The following CFAP20DC variants were observed in gnomAD, a reference collection of about 807,000 sequenced individuals.
The protein encoded by CFAP20DC is CFAP20 domain containing.
In CFAP20DC, 84 loss-of-function variants were observed where a neutral mutation model predicts 101.7. That is an observed-to-expected ratio of 0.83 (90% CI 0.69 to 0.99). The LOEUF (loss-of-function observed/expected upper bound fraction) is 0.99. Ranked by LOEUF, CFAP20DC falls within the 50% of genes least tolerant of loss-of-function variation. The pLI, the probability that CFAP20DC is intolerant of heterozygous loss-of-function variation, is 0.00. For missense variants in CFAP20DC, 1,007 were observed against 970.3 expected (o/e 1.04, Z -0.50); for synonymous variants, 359 against 351.2 (o/e 1.02, Z -0.25).
rs950319992 is a variant in CFAP20DC at position 58,952,927 on chromosome 3, TG to T, written c.279-15166del. ...TGCTCTCAAGTCTGGACGTAGATACTGGGGATTTCACAGTGAAAAAAACAAG... is the reference window on the plus strand; with the variant it reads ...TGCTCTCAAGTCTGGACGTAGATACTGGGATTTCACAGTGAAAAAAACAAG... On this transcript the variant is annotated intron_variant, in intron 4 of 16. Transcript: ENST00000482387. Among the ~76,000 whole-genome samples the T allele has an allele frequency of 1.7e-4, 26 of 152,256 alleles. 1 individual carries two copies. The highest frequency in any genetic ancestry group is 5.5e-4 in the African/African-American group (23 of 41,562).
At chr3:58,851,028 A>G (rs917222407) in intron 12 of CFAP20DC, among the ~76,000 whole-genome samples, 5 of 152,154 alleles carry the variant, frequency 3.3e-5, no homozygotes, top group African/African-American at 1.2e-4. Context: ...AAAGCTTTTA[A>G]TTAGAGGGGA....
At chr3:58,911,292 G>T (rs1421004633) in intron 6 of CFAP20DC, among the ~76,000 whole-genome samples, 4 of 152,136 alleles carry the variant, frequency 2.6e-5, no homozygotes, top group African/African-American at 9.7e-5. Context: ...GAAAATTACT[G>T]TTATGTGCCA....
In CFAP20DC at chr3:58,971,154, TG is replaced by T. The variant is rs1166791986; in HGVS notation, c.279-33393del. On this transcript the variant is annotated intron_variant, in intron 4 of 16. Transcript: ENST00000482387. This position sits in a 1 kb window ranked among gnomAD's most constrained non-coding sequence, Gnocchi z 4.1. ...GCTTGTTCCAGCTAATTGACTATTC[TG>T]TTGAGCCTAACAGTACCATCACAAA... Among the ~76,000 whole-genome samples the T allele has an allele frequency of 3.3e-5, 5 of 152,198 alleles. No individual in the cohort carries two copies. The highest frequency in any genetic ancestry group is 1.2e-4 in the African/African-American group (5 of 41,454).
rs370117691 is a variant in CFAP20DC, at chr3:59,005,597, T to C, written c.278+33960A>G. Among the ~76,000 whole-genome samples, 8 of 152,334 alleles carry C rather than the reference T, an allele frequency of 5.3e-5. No homozygotes were observed. The East Asian group carries it at 1.3e-3, about 26-fold the overall frequency. ...CGCTTATATTCATTTTATATCACTT[T>C]AGATAAACTAAAATGATGTGAATAC... On this transcript the variant is annotated intron_variant, in intron 4 of 16. Transcript: ENST00000482387.
chr3:59,048,403 T>C (rs1204394206), intron 1 of CFAP20DC, among the ~76,000 whole-genome samples: 6 of 152,196 alleles, frequency 3.9e-5, no homozygotes, highest in South Asian at 4.1e-4. Flanking sequence ...AGAATTACTA[T>C]AGCTTGTGAG....
chr3:58,984,988 C>T (rs368462439), intron 4 of CFAP20DC, among the ~76,000 whole-genome samples: 11 of 152,164 alleles, frequency 7.2e-5, no homozygotes, highest in South Asian at 2.1e-4. Flanking sequence ...GCAGCCTTGA[C>T]GTCCTGGGCT....
At chr3:58,890,960 G>C (rs2082180708) in intron 6 of CFAP20DC, among the ~76,000 whole-genome samples, 1 of 145,794 alleles carries the variant, frequency 6.9e-6, no homozygotes, top group African/African-American at 2.6e-5. Context: ...CAGGCAGAGG[G>C]GCTCCTCACA....
At chr3:58,945,458 T>TA (rs151190813) in intron 4 of CFAP20DC, among the ~76,000 whole-genome samples, 1,588 of 152,032 alleles carry the variant, frequency 0.01, 29 homozygotes, top group African/African-American at 0.034. Flanking sequence ...TTTTGATAGG[T>TA]AAAAAAAAGC....
chr3:58,736,686 C>T (rs1011563991), intron 3 of CFAP20DC, among the ~76,000 whole-genome samples: 2 of 152,142 alleles, frequency 1.3e-5, no homozygotes, highest in Non-Finnish European at 2.9e-5. Context: ...ATTGACCGTA[C>T]TTATTACCAT....
chr3:58,926,621 T>A (rs115429684), intron 5 of CFAP20DC, among the ~76,000 whole-genome samples: 6,183 of 152,238 alleles, frequency 0.041, 197 homozygotes, highest in Non-Finnish European at 0.066. Flanking sequence ...ATTAAAAACC[T>A]CAAACTTCTA....
At chr3:58,993,061 G>A (rs1245051352) in intron 4 of CFAP20DC, among the ~76,000 whole-genome samples, 1 of 152,140 alleles carries the variant, frequency 6.6e-6, no homozygotes, top group Admixed American at 6.6e-5. Context: ...AACGTGGGGA[G>A]TACTTTTCCA....
chr3:58,845,274 A>G (rs1292661273), intron 13 of CFAP20DC, among the ~76,000 whole-genome samples: 3 of 151,588 alleles, frequency 2.0e-5, no homozygotes, highest in Non-Finnish European at 3.0e-5. Flanking sequence ...AGCAAGACTA[A>G]TAAAGAAAAA....
intron 4 of CFAP20DC, among the ~76,000 whole-genome samples, chr3:58,962,373 A>G (rs2091214190): frequency 6.6e-6 from 1 of 152,218 alleles, no homozygotes; most frequent in Non-Finnish European, 1.5e-5. Flanking sequence ...TTATGGTCAG[A>G]TAACATACTT....
rs959404815 is a variant in CFAP20DC at position 58,946,394 on chromosome 3, G to A, written c.279-8632C>T. On this transcript the variant is annotated intron_variant, in intron 4 of 16. Coordinates refer to ENST00000482387, the MANE Select transcript of CFAP20DC (RefSeq NM_001394063.1). ...GGCCTCCCAAAGTGCTGGGATTACA[G>A]CGTGGGCCACCCAACCCAGCCCCCA... 5.9e-5 allele frequency among the ~76,000 whole-genome samples: 9 copies of A among 152,228 alleles called. No individual in the cohort carries two copies. The East Asian group carries it at 1.7e-3, about 29-fold the overall frequency.
chr3:58,822,332 CAAACA>C (rs2075726412), intron 14 of CFAP20DC, among the ~76,000 whole-genome samples: 1 of 137,698 alleles, frequency 7.3e-6, no homozygotes, highest in African/African-American at 2.8e-5. Context: ...AACAAACAAA[CAAACA>C]AAAAAAACCA....
intron 5 of CFAP20DC, among the ~76,000 whole-genome samples, chr3:58,933,835 G>C (rs2087100495): frequency 6.6e-6 from 1 of 151,766 alleles, no homozygotes; most frequent in Non-Finnish European, 1.5e-5. Flanking sequence ...ATCCAAAATT[G>C]ACACCCTAAC....
chr3:58,965,764 C>T (rs2091478289), intron 4 of CFAP20DC, among the ~76,000 whole-genome samples: 1 of 152,094 alleles, frequency 6.6e-6, no homozygotes, highest in African/African-American at 2.4e-5. Flanking sequence ...CAAATAGACT[C>T]CTATACATAA....
At chr3:58,753,399 G>A (rs907740551) in intron 16 of CFAP20DC, among the ~76,000 whole-genome samples, 35 of 152,138 alleles carry the variant, frequency 2.3e-4, no homozygotes, top group African/African-American at 8.2e-4. Context: ...TAATCGGGGA[G>A]GCACTAACTA....
chr3:58,901,294 A>C (rs1422454833), intron 6 of CFAP20DC, among the ~76,000 whole-genome samples: 3 of 152,192 alleles, frequency 2.0e-5, no homozygotes, highest in Non-Finnish European at 4.4e-5. Flanking sequence ...TTGCTATAGA[A>C]TGCTGGAAAA....
Sources: gnomAD v4.1 joint callset for allele counts (sites outside exome capture counted in the v4.1 genomes callset) on GRCh38, gnomAD v4.1.1 for gene constraint, Gnocchi (gnomAD v3.1) non-coding constraint, MANE v1.5 for transcripts, NCBI Gene and HGNC (gene_info 2026-07-23, HGNC 2026-07-21) for gene names.